The following MKI67 variants were observed in gnomAD, a reference collection of about 807,000 sequenced individuals.
MKI67 encodes marker of proliferation Ki-67.
In MKI67, 152 loss-of-function variants were observed where a neutral mutation model predicts 233.5. The observed-to-expected ratio is 0.65, with a 90% CI of 0.57 to 0.74. MKI67 has a LOEUF of 0.74. Among genes scored for constraint, MKI67 ranks in the 30% least tolerant of loss-of-function variants. MKI67 has a pLI of 0.00. For missense variants in MKI67, 3,940 were observed against 3,885.2 expected (o/e 1.01, Z -0.37); for synonymous variants, 1,465 against 1,418.5 (o/e 1.03, Z -0.74).
rs1852398301 is a variant in MKI67, at chr10:128,103,622, C to G, written c.8218G>C (p.Val2740Leu). Residue 2740 changes from valine (V) to leucine (L), a missense_variant, in exon 13 of 15, where the codon GTC becomes CTC. Coordinates refer to ENST00000368654, the MANE Select transcript of MKI67 (RefSeq NM_002417.5). ...TCCCCTGATGTTTGTGTGAACTTGA[C>G]TGCTGAAGGCTCTTCTTTTACTTGT... The part of the protein sequence containing the change: ...KVQVKEEPSA[V>L]KFTQTSGETT... The G allele has an allele frequency of 6.2e-7, 1 of 1,614,106 alleles. No individual in the cohort carries two copies. The highest frequency in any genetic ancestry group is 8.5e-7 in the Non-Finnish European group (1 of 1,180,066).
chr10:128,114,314 C>T (rs1382736085), intron 7 of MKI67, among the ~76,000 whole-genome samples: 1 of 152,170 alleles, frequency 6.6e-6, no homozygotes, highest in Non-Finnish European at 1.5e-5. Flanking sequence ...CCTACCTCTG[C>T]CACTTCCTGA....
chr10:128,099,174 C>T lies in MKI67; in HGVS notation c.*16G>A. On this transcript the variant is annotated 3_prime_UTR_variant, in exon 15 of 15. Coordinates refer to ENST00000368654, the MANE Select transcript of MKI67 (RefSeq NM_002417.5). ...AAAACTAACTTTATTATATTTTTCCCAGTTCGATTTTTCTGTCAAATATCT... is the reference window on the plus strand; with the variant it reads ...AAAACTAACTTTATTATATTTTTCCTAGTTCGATTTTTCTGTCAAATATCT... 6.3e-7 allele frequency: 1 copy of T among 1,592,680 alleles called. No homozygotes were observed. The highest frequency in any genetic ancestry group is 8.6e-7 in the Non-Finnish European group (1 of 1,166,888).
intron 5 of MKI67, among the ~76,000 whole-genome samples, chr10:128,117,953 C>T (rs1402849342): frequency 6.6e-6 from 1 of 152,224 alleles, no homozygotes; most frequent in Non-Finnish European, 1.5e-5. Flanking sequence ...CACAGTTCAA[C>T]TGGCTTTTTG....
In MKI67 at chr10:128,097,061, T is replaced by C. The variant is rs1852227130; in HGVS notation, c.*2129A>G. ...CAGGAGATGGTAGGTACAGAGTTAGTGTAAGAAAGCCCAAGAGAGGCTGGG... is the reference window on the plus strand; with the variant it reads ...CAGGAGATGGTAGGTACAGAGTTAGCGTAAGAAAGCCCAAGAGAGGCTGGG... On this transcript the variant is annotated 3_prime_UTR_variant, in exon 15 of 15. Coordinates refer to ENST00000368654, the MANE Select transcript of MKI67 (RefSeq NM_002417.5). 1 of 151,998 alleles carries C rather than the reference T, an allele frequency of 6.6e-6. No individual in the cohort carries two copies. Among genetic ancestry groups the C allele is most frequent in the South Asian group, 2.1e-4 (1 of 4,822 alleles). 9.4% of individuals were successfully genotyped at this position (151,998 alleles called of 1,614,324 possible).
chr10:128,107,660 GT>G lies in MKI67; in HGVS notation c.4179del (p.Pro1394LeufsTer14). 1 of 1,613,992 alleles carries G rather than the reference GT, an allele frequency of 6.2e-7. No individual in the cohort carries two copies. Among genetic ancestry groups the G allele is most frequent in the Non-Finnish European group, 8.5e-7 (1 of 1,180,024 alleles). On this transcript the variant is annotated frameshift_variant, in exon 13 of 15. Transcript: ENST00000368654. LOFTEE classifies it high-confidence loss of function. ...TPTSTRRQPK[T>X]PLEKRDVQKE... is the part of the protein sequence containing the mutation. ...TTCTGTACGTCCCTTTTCTCCAAAG[GT>G]GTCTTGGGCTGCCTTCTTGTGCTTG...
intron 8 of MKI67, among the ~76,000 whole-genome samples, chr10:128,112,725 C>T (rs1852707916): frequency 6.6e-6 from 1 of 152,062 alleles, no homozygotes; most frequent in South Asian, 2.1e-4. Context: ...GATCTCAGTC[C>T]CAGTAAATAC....
chr10:128,106,539 T>C lies in MKI67; in HGVS notation c.5301A>G (p.Glu1767=), dbSNP rs1039917543. ...RSLRKADTEE[E]FLAFRKQTPS... The stretch of plus-strand genomic sequence containing the variant: ...GCGTTTGTTTCCTAAATGCTAAAAA[T>C]TCTTCTTCAGTGTCTGCTTTCCTGA... Residue 1767 remains glutamate (E), a synonymous_variant, in exon 13 of 15, where the codon GAA becomes GAG. Transcript: ENST00000368654. 2 of 1,613,992 alleles carry C rather than the reference T, an allele frequency of 1.2e-6. No homozygotes were observed. Among genetic ancestry groups the C allele is most frequent in the Middle Eastern group, 1.6e-4 (1 of 6,084 alleles).
At position 128,125,881 on chromosome 10, in the gene MKI67, G is replaced by A. The variant is rs905217958; in HGVS notation, c.-89-125C>T. 1.3e-5 allele frequency: 7 copies of A among 557,042 alleles called. No individual in the cohort carries two copies. The highest frequency in any genetic ancestry group is 6.4e-5 in the Admixed American group (2 of 31,266). The allele number at this position is 557,042 out of a possible 1,614,324, so 34.5% of individuals were successfully genotyped here. ...GCTAGCGGGGACCCCAGGACGATCC[G>A]ACCGCAGCCCCCGGCGCCCCAAAGT... On this transcript the variant is annotated intron_variant, in intron 1 of 14. Coordinates refer to ENST00000368654, the MANE Select transcript of MKI67 (RefSeq NM_002417.5). This position sits in a 1 kb window ranked among gnomAD's most constrained non-coding sequence, Gnocchi z 5.3.
Position 128,111,781 on chromosome 10 carries a change from T to G in MKI67, c.2124A>C (p.Thr708=). ...PVGEVHSQFS[T]GHANSPCTII... ...TGGTACAAGGAGAGTTTGCGTGGCC[T>G]GTACTAAATTGACTGTGAACTTCGC... Residue 708 remains threonine, a synonymous_variant, in exon 11 of 15, where the codon ACA becomes ACC. Coordinates refer to ENST00000368654, the MANE Select transcript of MKI67 (RefSeq NM_002417.5). The G allele has an allele frequency of 6.2e-7, 1 of 1,613,302 alleles. No homozygotes were observed. The highest frequency in any genetic ancestry group is 8.5e-7 in the Non-Finnish European group (1 of 1,179,840).
At chr10:128,109,467 C>G (rs758053287) in intron 12 of MKI67, 44 bp from the exon 13 acceptor site, 1 of 1,561,394 alleles carries the variant, frequency 6.4e-7, no homozygotes, top group Non-Finnish European at 8.7e-7. Context: ...ATTAGTGTCT[C>G]ATGTCAATCG....
In MKI67 at chr10:128,111,823, A is replaced by G. The variant is rs766713592; in HGVS notation, c.2089-7T>C. 3.7e-6 allele frequency: 6 copies of G among 1,612,156 alleles called. No homozygotes were observed. The South Asian group carries it at 6.6e-5, about 18-fold the overall frequency. On this transcript the variant is annotated splice_region_variant and splice_polypyrimidine_tract_variant and intron_variant, in intron 10 of 14. Transcript: ENST00000368654. ...GAACTTCGCCCACAGGCTTCTGTAG[A>G]AAACAGGAAGGAGGTAAACAGGACA...
In MKI67 at chr10:128,108,842, C is replaced by A; in HGVS notation, c.2998G>T (p.Gly1000Cys). 1 of 1,614,138 alleles carries A rather than the reference C, an allele frequency of 6.2e-7. No homozygotes were observed. The highest frequency in any genetic ancestry group is 8.5e-7 in the Non-Finnish European group (1 of 1,180,026). ...TGGCAGGGCATTTTAGTGATTTTGC[C>A]TTTCTCACTCTTTGGTGCCTTGGCA... ...DHAKAPKSEK[G>C]KITKMPCQSL... Residue 1000 changes from glycine to cysteine, a missense_variant, in exon 13 of 15, where the codon GGC becomes TGC. Coordinates refer to ENST00000368654, the MANE Select transcript of MKI67 (RefSeq NM_002417.5).
At chr10:128,116,911 A>G (rs1852819896) in intron 5 of MKI67, among the ~76,000 whole-genome samples, 1 of 152,234 alleles carries the variant, frequency 6.6e-6, no homozygotes, top group Admixed American at 6.5e-5. Context: ...TGTCTCAAAA[A>G]ATAAAAATAA....
chr10:128,106,028 T>C lies in MKI67; in HGVS notation c.5812A>G (p.Lys1938Glu), dbSNP rs777086613. 1.4e-5 allele frequency: 22 copies of C among 1,614,064 alleles called. 1 individual carries two copies. In the South Asian group the frequency reaches 2.4e-4, roughly 18 times the overall value. Residue 1938 changes from lysine to glutamate, a missense_variant, in exon 13 of 15, where the codon AAG becomes GAG. By Grantham distance (56) the Lys-to-Glu change is moderately conservative (BLOSUM62 1). Coordinates refer to ENST00000368654, the MANE Select transcript of MKI67 (RefSeq NM_002417.5). ...TCTTTAGGAGTTTGTGGCCGTCTCT[T>C]GCTGCCAGGTAAATTTCCTAGCAGG... is the stretch of plus-strand genomic sequence containing the variant. ...LDLLGNLPGS[K>E]RRPQTPKEKA...
chr10:128,121,941 C>T (rs1432272366), intron 4 of MKI67, among the ~76,000 whole-genome samples: 1 of 152,044 alleles, frequency 6.6e-6, no homozygotes, highest in Non-Finnish European at 1.5e-5. Flanking sequence ...TTTATAAGAA[C>T]AGACAAAACT....
In MKI67 at chr10:128,106,459, T is replaced by C. The variant is rs1852498634; in HGVS notation, c.5381A>G (p.Asp1794Gly). Residue 1794 changes from aspartate to glycine, a missense_variant, in exon 13 of 15, where the codon GAC (aspartate) becomes GGC (glycine). By Grantham distance (94) the Asp-to-Gly change is moderately conservative. Coordinates refer to ENST00000368654, the MANE Select transcript of MKI67 (RefSeq NM_002417.5). Reference sequence around the variant, plus strand: ...TGGAGTTCCCAAAAACGTGTTGATGTCTTTCTCTTCACCTACTGCTGGTTT... The same window carrying C: ...TGGAGTTCCCAAAAACGTGTTGATGCCTTTCTCTTCACCTACTGCTGGTTT... ...TPKPAVGEEK[D>G]INTFLGTPVQ... 6.2e-7 allele frequency: 1 copy of C among 1,613,594 alleles called. No homozygotes were observed. The highest frequency in any genetic ancestry group is 1.3e-5 in the African/African-American group (1 of 74,744).
rs760267959 is a variant in MKI67 at position 128,104,554 on chromosome 10, T to C, written c.7286A>G (p.Glu2429Gly). The part of the protein sequence containing the change: ...GSKRQPQTPK[E>G]KAEALEDLVG... The stretch of plus-strand genomic sequence containing the variant: ...CAGGTCCTCTAGAGCCTCAGCCTTT[T>C]CCTTAGGAGTCTGTGGCTGTCTCTT... The change falls in exon 13 of 15, where the codon GAA (glutamate) becomes GGA (glycine). Residue 2429 changes from glutamate to glycine, a missense_variant. Transcript: ENST00000368654. 38 of 1,614,006 alleles carry C rather than the reference T, an allele frequency of 2.4e-5. No homozygotes were observed. Among genetic ancestry groups the C allele is most frequent in the Non-Finnish European group, 3.1e-5 (36 of 1,180,026 alleles).
chr10:128,102,698 T>C lies in MKI67; in HGVS notation c.9142A>G (p.Met3048Val), dbSNP rs201078646. 7 of 1,614,268 alleles carry C rather than the reference T, an allele frequency of 4.3e-6. No individual in the cohort carries two copies. The highest frequency in any genetic ancestry group is 5.9e-6 in the Non-Finnish European group (7 of 1,180,046). ...RGKSSEPVVI[M>V]KRSLRTSAKR... ...GCAGAAGTCCTCAAACTTCTCTTCA[T>C]GATGACCACGGGTTCGGATGATTTG... Residue 3048 changes from methionine (M) to valine (V), a missense_variant, in exon 13 of 15, where the codon ATG (methionine) becomes GTG (valine). Met to Val is a conservative substitution (Grantham distance 21). Coordinates refer to ENST00000368654, the MANE Select transcript of MKI67 (RefSeq NM_002417.5).
intron 7 of MKI67, 104 bp from the exon 8 acceptor site, chr10:128,113,706 G>A (rs573516038): frequency 1.0e-5 from 10 of 1,001,728 alleles, no homozygotes; most frequent in African/African-American, 6.5e-5. Context: ...AAAAGTCATC[G>A]AAACACAGTA....
Sources: allele counts gnomAD v4.1 joint callset (sites outside exome capture counted in the v4.1 genomes callset), GRCh38; gene constraint gnomAD v4.1.1; non-coding constraint Gnocchi (gnomAD v3.1); transcripts MANE v1.5; gene names NCBI Gene and HGNC (gene_info 2026-07-23, HGNC 2026-07-21).